The following YTHDC2 variants were observed in gnomAD, a reference collection of about 807,000 sequenced individuals.
The protein encoded by YTHDC2 is 3'-5' RNA helicase YTHDC2.
Under a neutral mutation model 174.9 loss-of-function variants are expected in YTHDC2, and 45 were observed. That is an observed-to-expected ratio of 0.26 (90% CI 0.20 to 0.33). The LOEUF (loss-of-function observed/expected upper bound fraction) is 0.33, where lower values mean the gene tolerates loss of function less well. Ranked by LOEUF, YTHDC2 falls within the 10% of genes least tolerant of loss-of-function variation. The pLI, the probability that YTHDC2 is intolerant of heterozygous loss-of-function variation, is 1.00. For synonymous variants in YTHDC2, 657 were observed against 574.5 expected, an observed-to-expected ratio of 1.14 and a Z score of -2.05; for missense variants, 1,650 against 1,723.7, an observed-to-expected ratio of 0.96 and a Z score of 0.76.
In YTHDC2 at chr5:113,526,634, C is replaced by G. The variant is rs201471038; in HGVS notation, c.524C>G (p.Pro175Arg). 1 of 1,598,814 alleles carries G rather than the reference C, an allele frequency of 6.3e-7. No homozygotes were observed. Among genetic ancestry groups the G allele is most frequent in the East Asian group, 2.3e-5 (1 of 43,786 alleles). The change falls in exon 4 of 30, where the codon CCT becomes CGT. Residue 175 changes from proline to arginine, a missense_variant. Pro to Arg is a moderately radical substitution (Grantham distance 103). This residue lies in a region of YTHDC2 where 304 missense variants were observed against 341.4 expected (regional missense o/e 0.89). Coordinates refer to ENST00000161863, the MANE Select transcript of YTHDC2 (RefSeq NM_022828.5). ...AGTGGGCGACTCAACAATGGCATAC[C>G]TCAGATTCCAGTGAAAAGAGGAGAA... is the stretch of plus-strand genomic sequence containing the variant. ...KTSGRLNNGI[P>R]QIPVKRGESE... is the part of the protein sequence containing the mutation.
At chr5:113,550,275 T>G (rs62373764) in intron 12 of YTHDC2, among the ~76,000 whole-genome samples, 56,852 of 151,692 alleles carry the variant, frequency 0.37, 13,050 homozygotes, top group East Asian at 0.67. Flanking sequence ...GAGGTCTCTG[T>G]GGGGGAAAAA....
chr5:113,576,253 G>T (rs573169386), intron 23 of YTHDC2, among the ~76,000 whole-genome samples: 1 of 152,240 alleles, frequency 6.6e-6, no homozygotes, highest in Admixed American at 6.5e-5. Context: ...AATTTGAGTA[G>T]TGGAAGAGTG....
rs141736214 is a variant in YTHDC2, at chr5:113,515,208, G to A, written c.188-64G>A. The A allele has an allele frequency of 2.3e-3, 2,664 of 1,170,106 alleles. 2 individuals are homozygous for A. Among genetic ancestry groups the A allele is most frequent in the Non-Finnish European group, 3.1e-3 (2,442 of 797,118 alleles). 72.5% of individuals were successfully genotyped at this position (1,170,106 alleles called of 1,614,324 possible). The stretch of plus-strand genomic sequence containing the variant: ...TATGTTTTTCATATTTTGTATCTGT[G>A]TGTTTTACTTGAGAGAAAATTGCCT... On this transcript the variant is annotated intron_variant, in intron 1 of 29. Transcript: ENST00000161863.
intron 26 of YTHDC2, among the ~76,000 whole-genome samples, chr5:113,587,676 A>G (rs1477935383): frequency 6.7e-6 from 1 of 149,722 alleles, no homozygotes; most frequent in Non-Finnish European, 1.5e-5. Flanking sequence ...TCTTGAAATC[A>G]GTTAATCCTT....
chr5:113,544,441 A>T (rs1224778844), intron 10 of YTHDC2, among the ~76,000 whole-genome samples: 2 of 152,082 alleles, frequency 1.3e-5, no homozygotes, highest in African/African-American at 4.8e-5. Context: ...GAGTCACCAC[A>T]CCCAGCCCAA....
intron 26 of YTHDC2, 73 bp downstream of exon 26, chr5:113,584,552 T>TA (rs1391447854): frequency 3.1e-6 from 4 of 1,271,652 alleles, no homozygotes; most frequent in Non-Finnish European, 4.3e-6. Context: ...AATAAAATTG[T>TA]AAAACAATTA....
chr5:113,533,191 C>G, intron 5 of YTHDC2, 146 bp downstream of exon 5: 1 of 855,588 alleles, frequency 1.2e-6, no homozygotes, highest in Non-Finnish European at 1.8e-6. Flanking sequence ...AAAGTCATGT[C>G]TAAATCTAGA....
rs1360636109 is a variant in YTHDC2 at position 113,539,206 on chromosome 5, T to C, written c.1210+25T>C. The C allele has an allele frequency of 1.1e-5, 11 of 1,029,528 alleles. No individual in the cohort carries two copies. In the African/African-American group the frequency reaches 1.5e-4, roughly 14 times the overall value. The allele number at this position is 1,029,528 out of a possible 1,614,324, so 63.8% of individuals were successfully genotyped here. On this transcript the variant is annotated intron_variant, in intron 8 of 29. Coordinates refer to ENST00000161863, the MANE Select transcript of YTHDC2 (RefSeq NM_022828.5). ...GGTAAATTTTTTAATAAAAGAAATATAAAAGAAATTACTATTGATAATGAC... is the reference window on the plus strand; with the variant it reads ...GGTAAATTTTTTAATAAAAGAAATACAAAAGAAATTACTATTGATAATGAC...
At chr5:113,566,950 C>T (rs907008893) in intron 21 of YTHDC2, 142 bp from the exon 22 acceptor site, 1 of 965,990 alleles carries the variant, frequency 1.0e-6, no homozygotes, top group Non-Finnish European at 1.5e-6. Flanking sequence ...ATATTTTAAA[C>T]AACTTTCCAG....
At chr5:113,591,387 C>G (rs1778996905) in intron 27 of YTHDC2, 143 bp downstream of exon 27, 2 of 807,982 alleles carry the variant, frequency 2.5e-6, no homozygotes, top group South Asian at 3.5e-5. Flanking sequence ...TATATTGCAT[C>G]TCTTTAGAGG....
intron 18 of YTHDC2, 160 bp downstream of exon 18, chr5:113,561,345 T>C: frequency 2.2e-6 from 1 of 453,846 alleles, no homozygotes. Flanking sequence ...ATATTTTTTC[T>C]ATATAAGAAA....
rs1773232609 is a variant in YTHDC2, at chr5:113,514,203, A to C, written c.187+121A>C. 5 of 1,308,290 alleles carry C rather than the reference A, an allele frequency of 3.8e-6. No individual in the cohort carries two copies. The Admixed American group carries it at 9.9e-5, about 26-fold the overall frequency. The allele number at this position is 1,308,290 out of a possible 1,614,324, so 81.0% of individuals were successfully genotyped here. The stretch of plus-strand genomic sequence containing the variant: ...CGAAGAGGGAGGGAAGACCCGGGCC[A>C]CCGTCCGGGGCGGGCCTCAGCGGCG... On this transcript the variant is annotated intron_variant, in intron 1 of 29. Coordinates refer to ENST00000161863, the MANE Select transcript of YTHDC2 (RefSeq NM_022828.5).
At chr5:113,532,313 C>CT (rs1405125393) in intron 4 of YTHDC2, among the ~76,000 whole-genome samples, 1 of 151,908 alleles carries the variant, frequency 6.6e-6, no homozygotes, top group African/African-American at 2.4e-5. Context: ...ACAGTAGTTA[C>CT]TTTTTTGGAG....
At chr5:113,573,251 T>A (rs1289233440) in intron 23 of YTHDC2, among the ~76,000 whole-genome samples, 1 of 152,222 alleles carries the variant, frequency 6.6e-6, no homozygotes. Context: ...GGATATGAAA[T>A]TCTGGGTTGG....
chr5:113,571,965 T>C (rs1265944832), intron 23 of YTHDC2, among the ~76,000 whole-genome samples: 1 of 152,198 alleles, frequency 6.6e-6, no homozygotes, highest in Non-Finnish European at 1.5e-5. Flanking sequence ...CCTGTCTCTA[T>C]CGCCTTCACT....
In YTHDC2 at chr5:113,592,130, C is replaced by G; in HGVS notation, c.4164C>G (p.Leu1388=). 6.2e-7 allele frequency: 1 copy of G among 1,612,786 alleles called. No homozygotes were observed. Among genetic ancestry groups the G allele is most frequent in the Non-Finnish European group, 8.5e-7 (1 of 1,179,474 alleles). The change falls in exon 28 of 30, where the codon CTC becomes CTG. Residue 1388 remains leucine (L), a synonymous_variant. Coordinates refer to ENST00000161863, the MANE Select transcript of YTHDC2 (RefSeq NM_022828.5). ...SLPFQFAHHL[L]NPWNDNKKVQ... ...CCTTTCAATTTGCACACCATTTACT[C>G]AATCCATGGAATGACAACAAGAAAG...
At chr5:113,515,234 A>G (rs770128007) in intron 1 of YTHDC2, 38 bp from the exon 2 acceptor site, 9 of 1,532,934 alleles carry the variant, frequency 5.9e-6, no homozygotes, top group Middle Eastern at 2.2e-4. Flanking sequence ...AAAATTGCCT[A>G]TCTACAAATT....
chr5:113,531,379 T>G (rs890513542), intron 4 of YTHDC2, among the ~76,000 whole-genome samples: 7 of 152,096 alleles, frequency 4.6e-5, no homozygotes, highest in Non-Finnish European at 1.0e-4. Flanking sequence ...TCACATTTAT[T>G]CAGTATAGAT....
In YTHDC2 at chr5:113,595,244, G is replaced by A. The variant is rs1041683657; in HGVS notation, c.*1770G>A. 24 of 151,982 alleles carry A rather than the reference G, an allele frequency of 1.6e-4. No homozygotes were observed. The highest frequency in any genetic ancestry group is 6.6e-5 in the Admixed American group (1 of 15,240). The allele number at this position is 151,982 out of a possible 1,614,324, so 9.4% of individuals were successfully genotyped here. ...AATTAAAGTGCTGTTTTTTGGAAGC[G>A]ATAAACTTTAAATATACTTATTAAA... On this transcript the variant is annotated 3_prime_UTR_variant, in exon 30 of 30. Coordinates refer to ENST00000161863, the MANE Select transcript of YTHDC2 (RefSeq NM_022828.5).
Sources: allele counts gnomAD v4.1 joint callset (sites outside exome capture counted in the v4.1 genomes callset), GRCh38; gene constraint gnomAD v4.1.1; regional missense constraint gnomAD v4.1.1; transcripts MANE v1.5; gene names NCBI Gene and HGNC (gene_info 2026-07-23, HGNC 2026-07-21).